The following ANXA4 variants were observed in gnomAD, a reference collection of about 807,000 sequenced individuals.
The protein encoded by ANXA4 is 35-beta calcimedin.
A neutral mutation model predicts 49.8 loss-of-function variants in ANXA4; 39 were observed. The observed-to-expected ratio is 0.78, with a 90% CI of 0.61 to 1.02. The LOEUF is 1.02. Among genes scored for constraint, ANXA4 ranks in the 50% least tolerant of loss-of-function variants. The pLI, the probability that ANXA4 is intolerant of heterozygous loss-of-function variation, is 0.00. For synonymous variants in ANXA4, 134 were observed against 152.5 expected, an observed-to-expected ratio of 0.88 and a Z score of 0.89; for missense variants, 360 against 410.1, an observed-to-expected ratio of 0.88 and a Z score of 1.05.
intron 3 of ANXA4, among the ~76,000 whole-genome samples, chr2:69,802,449 A>C (rs1044864710): frequency 3.3e-5 from 5 of 152,240 alleles, no homozygotes; most frequent in Non-Finnish European, 7.3e-5. Context: ...GCAGTGGCTC[A>C]CGCCTGTAAT....
intron 2 of ANXA4, among the ~76,000 whole-genome samples, chr2:69,707,653 C>G (rs749037943): frequency 6.6e-6 from 1 of 152,200 alleles, no homozygotes; most frequent in Non-Finnish European, 1.5e-5. Flanking sequence ...TGTTTTGATA[C>G]AGGCATGCTA....
exon 1 of ANXA4, chr2:69,644,587 A>G (rs1675926059): frequency 6.6e-6 from 1 of 152,174 alleles, no homozygotes; most frequent in Non-Finnish European, 1.5e-5. Context: ...TCAAACCGAG[A>G]AACTGCCAAA....
intron 1 of ANXA4, among the ~76,000 whole-genome samples, chr2:69,774,088 G>T (rs1671862125): frequency 6.6e-6 from 1 of 151,856 alleles, no homozygotes; most frequent in African/African-American, 2.4e-5. Flanking sequence ...CTCCCACAAT[G>T]CTGGGATTAC....
At chr2:69,663,197 T>C (rs1676792381) in intron 2 of ANXA4, among the ~76,000 whole-genome samples, 1 of 150,644 alleles carries the variant, frequency 6.6e-6, no homozygotes, top group African/African-American at 2.4e-5. Flanking sequence ...GGTTTCACCA[T>C]GTTAGCCAGG....
chr2:69,805,538 G>A (rs935612374), intron 4 of ANXA4, among the ~76,000 whole-genome samples: 17 of 151,778 alleles, frequency 1.1e-4, no homozygotes, highest in Admixed American at 2.6e-4. Context: ...TCCAGGAGGC[G>A]GAGTCTGCAG....
chr2:69,723,430 G>C, intron 3 of ANXA4, among the ~76,000 whole-genome samples: 1 of 152,100 alleles, frequency 6.6e-6, no homozygotes. Context: ...AGGAGAGCAG[G>C]CATTTTCTAG....
intron 1 of ANXA4, among the ~76,000 whole-genome samples, chr2:69,761,007 T>A (rs1440308207): frequency 3.3e-5 from 5 of 150,712 alleles, no homozygotes; most frequent in Admixed American, 6.6e-5. Flanking sequence ...ATTAAATTAA[T>A]TAATTAATTA....
intron 2 of ANXA4, among the ~76,000 whole-genome samples, chr2:69,678,673 G>C (rs542147098): frequency 3.7e-4 from 56 of 151,984 alleles, no homozygotes; most frequent in Non-Finnish European, 6.3e-4. Flanking sequence ...CTGGGACTAC[G>C]GGCATGAGCC....
chr2:69,812,010 C>T (rs1176102589), intron 7 of ANXA4, among the ~76,000 whole-genome samples: 1 of 152,034 alleles, frequency 6.6e-6, no homozygotes, highest in African/African-American at 2.4e-5. Flanking sequence ...TCCACCCTGC[C>T]TTCTTGTGAG....
At chr2:69,721,691 C>T (rs996388004) in intron 3 of ANXA4, among the ~76,000 whole-genome samples, 3 of 150,500 alleles carry the variant, frequency 2.0e-5, no homozygotes, top group Admixed American at 6.6e-5. Context: ...AGAGTGAGAC[C>T]GTCTCAAAAA....
intron 1 of ANXA4, among the ~76,000 whole-genome samples, chr2:69,753,778 C>T (rs10181122): frequency 0.5 from 76,618 of 152,110 alleles, 19,697 homozygotes; most frequent in East Asian, 0.71. Context: ...CCTGGTTTAC[C>T]AAACCCAATC....
At chr2:69,803,722 TG>T (rs1300572673) in intron 3 of ANXA4, among the ~76,000 whole-genome samples, 1 of 151,660 alleles carries the variant, frequency 6.6e-6, no homozygotes, top group Admixed American at 6.6e-5. Flanking sequence ...GCCAAATTGG[TG>T]AATTAACAGA....
At chr2:69,761,637 G>A (rs1311390801) in intron 1 of ANXA4, among the ~76,000 whole-genome samples, 2 of 151,780 alleles carry the variant, frequency 1.3e-5, no homozygotes, top group East Asian at 1.9e-4. Flanking sequence ...ATCTTAAAAC[G>A]TAGCTGGGTG....
chr2:69,722,288 A>G (rs973468006), intron 3 of ANXA4, among the ~76,000 whole-genome samples: 3 of 152,236 alleles, frequency 2.0e-5, no homozygotes, highest in Admixed American at 6.5e-5. Context: ...AAAAGAATTT[A>G]AAACAGAGAC....
At chr2:69,784,566 G>C (rs568858411) in intron 2 of ANXA4, among the ~76,000 whole-genome samples, 1 of 152,230 alleles carries the variant, frequency 6.6e-6, no homozygotes, top group South Asian at 2.1e-4. Context: ...AAGAAAAGAA[G>C]TAAAGTGCCT....
At chr2:69,673,379 C>G (rs1677264811) in intron 2 of ANXA4, among the ~76,000 whole-genome samples, 1 of 151,976 alleles carries the variant, frequency 6.6e-6, no homozygotes, top group Non-Finnish European at 1.5e-5. Context: ...GCTGGACCAT[C>G]ATTCTCAGCA....
chr2:69,791,063 T>C (rs1395093981), intron 3 of ANXA4, among the ~76,000 whole-genome samples: 1 of 152,168 alleles, frequency 6.6e-6, no homozygotes, highest in Non-Finnish European at 1.5e-5. Context: ...CCTTGTTCCA[T>C]GAGGAATTTT....
chr2:69,704,112 T>C (rs1435337260), intron 2 of ANXA4, among the ~76,000 whole-genome samples: 1 of 152,228 alleles, frequency 6.6e-6, no homozygotes, highest in Non-Finnish European at 1.5e-5. Flanking sequence ...TTTTTAAATA[T>C]TTTTATTGGG....
rs1367970914 is a variant in ANXA4, at chr2:69,820,859, A to G, written c.906+38A>G. 3 of 1,607,210 alleles carry G rather than the reference A, an allele frequency of 1.9e-6. No homozygotes were observed. The South Asian group carries it at 3.3e-5, about 18-fold the overall frequency. On this transcript the variant is annotated intron_variant, in intron 12 of 12. Coordinates refer to ENST00000394295, the MANE Select transcript of ANXA4 (RefSeq NM_001153.5). ...AGCCTAAGTCCAGAGTAAAGGATCC[A>G]GAAAAGGACCCCTCTGACCTTGGCA...
Sources: allele counts gnomAD v4.1 joint callset (sites outside exome capture counted in the v4.1 genomes callset), GRCh38; gene constraint gnomAD v4.1.1; transcripts MANE v1.5; gene names NCBI Gene and HGNC (gene_info 2026-07-23, HGNC 2026-07-21).